The following SUDS3 variants were observed in gnomAD, a reference collection of about 807,000 sequenced individuals.
The protein encoded by SUDS3 is SIN3A corepressor complex component SDS3.
Under a neutral mutation model 53.5 loss-of-function variants are expected in SUDS3, and 23 were observed. That is an observed-to-expected ratio of 0.43 (90% CI 0.31 to 0.61). The LOEUF (loss-of-function observed/expected upper bound fraction) is 0.61. Ranked by LOEUF, SUDS3 falls within the 20% of genes least tolerant of loss-of-function variation. SUDS3 has a pLI of 0.10. For missense variants in SUDS3, 291 were observed against 405.9 expected, an observed-to-expected ratio of 0.72 and a Z score of 2.43; for synonymous variants, 150 against 148.5, an observed-to-expected ratio of 1.01 and a Z score of -0.08.
chr12:118,381,080 T>G (rs1183067357), intron 2 of SUDS3, among the ~76,000 whole-genome samples: 1 of 152,212 alleles, frequency 6.6e-6, no homozygotes, highest in African/African-American at 2.4e-5. Context: ...AATTGGGTTC[T>G]CAGGTGAGTG....
rs75311019 is a variant in SUDS3 at position 118,385,842 on chromosome 12, C to G, written c.269-272C>G. 4.7e-3 allele frequency among the ~76,000 whole-genome samples: 711 copies of G among 152,274 alleles called. 5 individuals are homozygous for G. The highest frequency in any genetic ancestry group is 0.016 in the African/African-American group (680 of 41,544). ...CCGTTGATTCAGACTGTTGCAGCAACTGATCAGAATAGTGTGGAGATATTG... is the reference window on the plus strand; with the variant it reads ...CCGTTGATTCAGACTGTTGCAGCAAGTGATCAGAATAGTGTGGAGATATTG... On this transcript the variant is annotated intron_variant, in intron 3 of 11. Transcript: ENST00000543473.
chr12:118,393,949 G>C (rs7301285), intron 6 of SUDS3, among the ~76,000 whole-genome samples: 3,357 of 151,942 alleles, frequency 0.022, 121 homozygotes, highest in African/African-American at 0.076. Context: ...GGGATTGTAG[G>C]TGTGAGCCAC....
chr12:118,385,745 A>C (rs1342124660), intron 3 of SUDS3, among the ~76,000 whole-genome samples: 1 of 152,262 alleles, frequency 6.6e-6, no homozygotes, highest in East Asian at 1.9e-4. Flanking sequence ...ACACCATTGC[A>C]GAAGGTTCTA....
intron 3 of SUDS3, among the ~76,000 whole-genome samples, chr12:118,385,485 T>C (rs543123931): frequency 6.6e-6 from 1 of 152,186 alleles, no homozygotes; most frequent in Non-Finnish European, 1.5e-5. Flanking sequence ...TGGTCAGGCA[T>C]TATAATCAGG....
intron 2 of SUDS3, among the ~76,000 whole-genome samples, chr12:118,383,224 T>C (rs2046083921): frequency 6.6e-6 from 1 of 152,212 alleles, no homozygotes. Context: ...GCTTGTTATA[T>C]GTTGGACAGT....
rs369326254 is a variant in SUDS3 at position 118,401,890 on chromosome 12, A to G, written c.675+70A>G. The G allele has an allele frequency of 1.0e-5, 16 of 1,601,304 alleles. No individual in the cohort carries two copies. In the African/African-American group the frequency reaches 1.3e-4, roughly 13 times the overall value. Reference sequence around the variant, plus strand: ...TGGTTTTCTGATTTTGTTTGTTAACATGTTACTTGTTAATCATTATGATAC... The same window carrying G: ...TGGTTTTCTGATTTTGTTTGTTAACGTGTTACTTGTTAATCATTATGATAC... On this transcript the variant is annotated intron_variant, in intron 8 of 11. Transcript: ENST00000543473.
At chr12:118,385,653 C>A in intron 3 of SUDS3, among the ~76,000 whole-genome samples, 1 of 152,300 alleles carries the variant, frequency 6.6e-6, no homozygotes, top group East Asian at 1.9e-4. Flanking sequence ...TTTAGTTCTT[C>A]GGTTCCACTA....
At chr12:118,403,552 T>C (rs766311706) in intron 10 of SUDS3, 35 bp downstream of exon 10, 1 of 1,541,110 alleles carries the variant, frequency 6.5e-7, no homozygotes, top group Non-Finnish European at 8.9e-7. Context: ...AGTAAGAGTC[T>C]CATATGAACC....
chr12:118,382,880 T>C (rs991699643), intron 2 of SUDS3, among the ~76,000 whole-genome samples: 3 of 151,356 alleles, frequency 2.0e-5, no homozygotes, highest in Non-Finnish European at 4.4e-5. Flanking sequence ...GTTGGCCAGG[T>C]TGGTCTCGAA....
intron 1 of SUDS3, 62 bp downstream of exon 1, chr12:118,376,895 GGGCTGTTCGGGAGA>G: frequency 7.0e-7 from 1 of 1,426,938 alleles, no homozygotes; most frequent in South Asian, 1.4e-5. Context: ...GGAGGGGGTG[GGGCTGTTCGGGAGA>G]GGGGCGGGGC....
chr12:118,379,993 G>A (rs1265566001), intron 1 of SUDS3, among the ~76,000 whole-genome samples, 169 bp from the exon 2 acceptor site: 1 of 152,200 alleles, frequency 6.6e-6, no homozygotes, highest in Non-Finnish European at 1.5e-5. Context: ...TTTGCAGATA[G>A]GGATGGCCTA....
chr12:118,391,530 T>C (rs1363123739), intron 6 of SUDS3, among the ~76,000 whole-genome samples: 1 of 152,240 alleles, frequency 6.6e-6, no homozygotes, highest in African/African-American at 2.4e-5. Context: ...GTTAGACATA[T>C]GAGTGCCTAG....
At chr12:118,380,094 CTG>C in intron 1 of SUDS3, 66 bp from the exon 2 acceptor site, 2 of 1,279,306 alleles carry the variant, frequency 1.6e-6, no homozygotes, top group Non-Finnish European at 2.2e-6. Context: ...AGTGCATACT[CTG>C]TGTCAGGTGA....
chr12:118,376,700 C>G lies in SUDS3; in HGVS notation c.9C>G (p.Ala3=), dbSNP rs754698455. Residue 3 remains alanine, a synonymous_variant, in exon 1 of 12, where the codon GCC becomes GCG. Transcript: ENST00000543473. MS[A]AGLLAPAPAQ... ...CTGCGGTCAGAGGCGACATGAGTGC[C>G]GCGGGGCTGCTGGCCCCGGCCCCGG... 5.3e-6 allele frequency: 8 copies of G among 1,513,402 alleles called. No individual in the cohort carries two copies. The South Asian group carries it at 9.8e-5, about 19-fold the overall frequency. The allele number at this position is 1,513,402 out of a possible 1,614,324, so 93.7% of individuals were successfully genotyped here. A position where few individuals can be genotyped will look rare whatever the true frequency, so the allele number is the denominator to read the frequency against.
intron 1 of SUDS3, among the ~76,000 whole-genome samples, chr12:118,377,742 CAA>C (rs1346646085): frequency 2.6e-5 from 4 of 152,100 alleles, no homozygotes; most frequent in South Asian, 2.1e-4. Flanking sequence ...AAATAGGAAA[CAA>C]AGAGAGACCG....
rs2046386072 is a variant in SUDS3, at chr12:118,414,795, T to C, written c.*362T>C. The C allele has an allele frequency of 1.2e-5, 2 of 170,454 alleles. No individual in the cohort carries two copies. Among genetic ancestry groups the C allele is most frequent in the African/African-American group, 4.8e-5 (2 of 41,896 alleles). The allele number at this position is 170,454 out of a possible 1,614,324, so 10.6% of individuals were successfully genotyped here. A position where few individuals can be genotyped will look rare whatever the true frequency, so the allele number is the denominator to read the frequency against. On this transcript the variant is annotated 3_prime_UTR_variant, in exon 12 of 12. Transcript: ENST00000543473. ...TTTTTATTGATTATCTTTAAGTCTC[T>C]CTACCATGGAGAAGAGCAGGAAGGG...
intron 4 of SUDS3, among the ~76,000 whole-genome samples, chr12:118,388,677 A>G (rs2046136566): frequency 6.6e-6 from 1 of 152,178 alleles, no homozygotes; most frequent in South Asian, 2.1e-4. Flanking sequence ...AGGGGGCTGC[A>G]TTCAGTCAGG....
intron 11 of SUDS3, among the ~76,000 whole-genome samples, chr12:118,411,546 G>A (rs927686201): frequency 6.6e-6 from 1 of 151,810 alleles, no homozygotes; most frequent in African/African-American, 2.4e-5. Context: ...TGCCCAGGCT[G>A]GAGTACAGTT....
intron 4 of SUDS3, among the ~76,000 whole-genome samples, chr12:118,387,920 C>T (rs963249317): frequency 2.6e-5 from 4 of 152,196 alleles, no homozygotes; most frequent in African/African-American, 4.8e-5. Flanking sequence ...AAATCAGTCA[C>T]GACTTGAGCT....
Sources: gnomAD v4.1 joint callset for allele counts (sites outside exome capture counted in the v4.1 genomes callset) on GRCh38, gnomAD v4.1.1 for gene constraint, MANE v1.5 for transcripts, NCBI Gene and HGNC (gene_info 2026-07-23, HGNC 2026-07-21) for gene names.